The following CCDC83 variants were observed in gnomAD, a reference collection of about 807,000 sequenced individuals.
CCDC83 encodes coiled-coil domain containing 83.
CCDC83 carries 54 observed loss-of-function variants against 50.1 expected under a neutral mutation model. The ratio of observed to expected loss-of-function variants is 1.08; its 90% confidence interval spans 0.87 to 1.35. The LOEUF (loss-of-function observed/expected upper bound fraction) is 1.35. CCDC83 is among the 40% of genes most tolerant of loss of function. The pLI, the probability that CCDC83 is intolerant of heterozygous loss-of-function variation, is 0.00. For synonymous variants in CCDC83, 161 were observed against 153.3 expected (o/e 1.05, Z -0.37); for missense variants, 518 against 473.9 (o/e 1.09, Z -0.86).
chr11:85,907,153 T>C (rs2093429602), intron 7 of CCDC83, among the ~76,000 whole-genome samples: 2 of 152,298 alleles, frequency 1.3e-5, no homozygotes, highest in South Asian at 4.1e-4. Flanking sequence ...AATGAAAATA[T>C]TTCTCCATTT....
Position 85,886,352 on chromosome 11 carries a change from G to A in CCDC83, c.496G>A (p.Ala166Thr), listed in dbSNP as rs766892576. The part of the protein sequence containing the change: ...QNDINTVKEN[A>T]EKMSEHYKIT... ...TGACATCAACACAGTTAAAGAGAATGCAGAGAAAATGTCAGGTCAGTTGCA... is the reference window on the plus strand; with the variant it reads ...TGACATCAACACAGTTAAAGAGAATACAGAGAAAATGTCAGGTCAGTTGCA... The change falls in exon 5 of 11, where the codon GCA (alanine) becomes ACA (threonine). Residue 166 changes from alanine (A) to threonine (T), a missense_variant. By Grantham distance (58) the Ala-to-Thr change is moderately conservative. Transcript: ENST00000342404. The A allele has an allele frequency of 2.5e-6, 4 of 1,591,014 alleles. No homozygotes were observed. Among genetic ancestry groups the A allele is most frequent in the Non-Finnish European group, 1.7e-6 (2 of 1,171,700 alleles).
At chr11:85,899,585 C>A (rs923564292) in intron 7 of CCDC83, among the ~76,000 whole-genome samples, 2 of 152,192 alleles carry the variant, frequency 1.3e-5, no homozygotes, top group African/African-American at 4.8e-5. Flanking sequence ...ATTTTGTAAT[C>A]TCTCCAGGAA....
At chr11:85,892,602 A>C (rs776523219) in intron 5 of CCDC83, among the ~76,000 whole-genome samples, 1 of 152,246 alleles carries the variant, frequency 6.6e-6, no homozygotes, top group South Asian at 2.1e-4. Context: ...ATAGCAAAGA[A>C]TTAATACTTC....
chr11:85,861,031 G>A (rs149454524), intron 1 of CCDC83, among the ~76,000 whole-genome samples: 357 of 152,308 alleles, frequency 2.3e-3, no homozygotes, highest in Non-Finnish European at 4.1e-3. Context: ...GCCACAAGGC[G>A]AGGTTATTTA....
At chr11:85,887,096 A>G (rs1189819291) in intron 5 of CCDC83, among the ~76,000 whole-genome samples, 1 of 152,186 alleles carries the variant, frequency 6.6e-6, no homozygotes, top group South Asian at 2.1e-4. Flanking sequence ...AGAAACGTCA[A>G]AGTCAATTAA....
rs752971434 is a variant in CCDC83 at position 85,886,286 on chromosome 11, G to T, written c.430G>T (p.Gly144Trp). 6.2e-7 allele frequency: 1 copy of T among 1,610,912 alleles called. No individual in the cohort carries two copies. Among genetic ancestry groups the T allele is most frequent in the Non-Finnish European group, 8.5e-7 (1 of 1,178,850 alleles). The change falls in exon 5 of 11, where the codon GGG (glycine) becomes TGG (tryptophan). Residue 144 changes from glycine (G) to tryptophan (W), a missense_variant. Physicochemically the swap from Gly to Trp is radical, Grantham distance 184 (BLOSUM62 -2). Transcript: ENST00000342404. ...ATATTGGGAGGAGTACAAGAATGTA[G>T]GGAGTGAACGACATGCTAAACTCAT... ...KEYWEEYKNV[G>W]SERHAKLITS...
At chr11:85,859,035 C>T (rs561203684) in intron 1 of CCDC83, among the ~76,000 whole-genome samples, 2 of 151,732 alleles carry the variant, frequency 1.3e-5, no homozygotes, top group African/African-American at 4.8e-5. Context: ...GATCTGCTAC[C>T]ACTTTGTAAC....
At chr11:85,916,706 C>T (rs2093478597) in intron 10 of CCDC83, 1 of 156,364 alleles carries the variant, frequency 6.4e-6, no homozygotes, top group Non-Finnish European at 1.4e-5. Context: ...TTGATGCTGG[C>T]TAAACTGAGG....
Position 85,916,037 on chromosome 11 carries a change from CAG to C in CCDC83, c.886_887del (p.Glu296IlefsTer9). 1 of 1,605,934 alleles carries C rather than the reference CAG, an allele frequency of 6.2e-7. No individual in the cohort carries two copies. Among genetic ancestry groups the C allele is most frequent in the Non-Finnish European group, 8.5e-7 (1 of 1,175,390 alleles). Reference sequence around the variant, plus strand: ...TTTGTATTTATCCAAGAAGAGAAGTCAGAATTGCAACCCACAGAAGTAGAAAG... The same window carrying C: ...TTTGTATTTATCCAAGAAGAGAAGTCAATTGCAACCCACAGAAGTAGAAAG... On this transcript the variant is annotated frameshift_variant, in exon 10 of 11. Coordinates refer to ENST00000342404, the MANE Select transcript of CCDC83 (RefSeq NM_001286159.2). LOFTEE classifies it high-confidence loss of function.
chr11:85,883,382 T>A (rs1166303616), intron 4 of CCDC83, among the ~76,000 whole-genome samples: 1 of 151,870 alleles, frequency 6.6e-6, no homozygotes, highest in Non-Finnish European at 1.5e-5. Context: ...AATAAAACCA[T>A]GAAAAATGTT....
intron 1 of CCDC83, among the ~76,000 whole-genome samples, chr11:85,857,202 C>T (rs1248528464): frequency 6.6e-6 from 1 of 152,226 alleles, no homozygotes; most frequent in Non-Finnish European, 1.5e-5. Context: ...GGGAGCTGTA[C>T]TCAACCCTCC....
chr11:85,865,309 CA>C, intron 2 of CCDC83, 91 bp downstream of exon 2: 1 of 776,702 alleles, frequency 1.3e-6, no homozygotes, highest in Non-Finnish European at 2.2e-6. Context: ...ACAATACATG[CA>C]GCAGCTGCCA....
Position 85,919,559 on chromosome 11 carries a change from G to C in CCDC83, c.*49G>C. ...CAACTTTTCCTTATAAATGTTCTTTGGGAACTGAAGTATATCCGTTGCCCA... is the reference window on the plus strand; with the variant it reads ...CAACTTTTCCTTATAAATGTTCTTTCGGAACTGAAGTATATCCGTTGCCCA... On this transcript the variant is annotated 3_prime_UTR_variant, in exon 11 of 11. Coordinates refer to ENST00000342404, the MANE Select transcript of CCDC83 (RefSeq NM_001286159.2). 7.1e-7 allele frequency: 1 copy of C among 1,405,018 alleles called. No homozygotes were observed. The highest frequency in any genetic ancestry group is 9.8e-7 in the Non-Finnish European group (1 of 1,016,120). 87.0% of individuals were successfully genotyped at this position (1,405,018 alleles called of 1,614,324 possible).
intron 7 of CCDC83, among the ~76,000 whole-genome samples, chr11:85,902,599 G>A (rs548635330): frequency 3.9e-5 from 6 of 152,056 alleles, no homozygotes; most frequent in Non-Finnish European, 8.8e-5. Context: ...TAAATTGACC[G>A]CATCTTCCCT....
intron 3 of CCDC83, among the ~76,000 whole-genome samples, chr11:85,874,720 C>T (rs143069068): frequency 7.9e-5 from 12 of 152,336 alleles, no homozygotes; most frequent in Admixed American, 2.0e-4. Context: ...TATTCTACCA[C>T]GACTGCTCTA....
intron 6 of CCDC83, among the ~76,000 whole-genome samples, chr11:85,898,084 G>T (rs1289392234): frequency 6.6e-6 from 1 of 151,708 alleles, no homozygotes; most frequent in Non-Finnish European, 1.5e-5. Context: ...CTTGAACCCA[G>T]GAGCAGAGGT....
At chr11:85,876,124 A>G (rs2093267896) in intron 3 of CCDC83, among the ~76,000 whole-genome samples, 1 of 151,822 alleles carries the variant, frequency 6.6e-6, no homozygotes, top group South Asian at 2.1e-4. Context: ...TTCACTGACC[A>G]TTTCTTCTCA....
chr11:85,912,061 AAGTAG>A (rs2093457196), intron 8 of CCDC83, among the ~76,000 whole-genome samples: 1 of 152,236 alleles, frequency 6.6e-6, no homozygotes, highest in Non-Finnish European at 1.5e-5. Flanking sequence ...TAATTTAGAC[AAGTAG>A]TCAAAACCAA....
intron 8 of CCDC83, chr11:85,912,674 A>C (rs1305820151): frequency 1.2e-6 from 2 of 1,610,568 alleles, no homozygotes; most frequent in South Asian, 2.2e-5. Context: ...TTCCTGTCCC[A>C]CCTCTAATCC....
Sources: allele counts gnomAD v4.1 joint callset (sites outside exome capture counted in the v4.1 genomes callset), GRCh38; gene constraint gnomAD v4.1.1; transcripts MANE v1.5; gene names NCBI Gene and HGNC (gene_info 2026-07-23, HGNC 2026-07-21).